Variants in CTDSPL observed in about 807,000 individuals in gnomAD.
CTDSPL encodes CTD small phosphatase-like protein.
A neutral mutation model predicts 30.5 loss-of-function variants in CTDSPL; 8 were observed. The observed-to-expected ratio is 0.26, with a 90% CI of 0.15 to 0.47. The LOEUF is 0.47. Among genes scored for constraint, CTDSPL ranks in the 20% least tolerant of loss-of-function variants. CTDSPL has a pLI of 0.99. For synonymous variants in CTDSPL, 110 were observed against 137.9 expected (o/e 0.80, Z 1.42); for missense variants, 248 against 366.1 (o/e 0.68, Z 2.63).
chr3:37,984,230 C>A lies in CTDSPL; in HGVS notation c.*3363C>A, dbSNP rs1220897300. ...TACTGTAACTTTGATCATGTCTGTT[C>A]CTGTTCCATTCTCCCAGGAGCTTCT... is the stretch of plus-strand genomic sequence containing the variant. On this transcript the variant is annotated 3_prime_UTR_variant, in exon 8 of 8. Transcript: ENST00000273179. 2.2e-6 allele frequency: 1 copy of A among 456,270 alleles called. No individual in the cohort carries two copies. Among genetic ancestry groups the A allele is most frequent in the Non-Finnish European group, 4.4e-6 (1 of 226,928 alleles). The allele number at this position is 456,270 out of a possible 1,614,324, so 28.3% of individuals were successfully genotyped here. A position where few individuals can be genotyped will look rare whatever the true frequency, so the allele number is the denominator to read the frequency against.
At chr3:37,959,941 CACCTATA>C (rs1315003847) in intron 3 of CTDSPL, among the ~76,000 whole-genome samples, 1 of 152,042 alleles carries the variant, frequency 6.6e-6, no homozygotes, top group Non-Finnish European at 1.5e-5. Context: ...CAGTGGCTCA[CACCTATA>C]ACCCAAGCAC....
chr3:37,927,670 G>GTATATA (rs1445872277), intron 1 of CTDSPL, among the ~76,000 whole-genome samples: 1 of 123,038 alleles, frequency 8.1e-6, no homozygotes, highest in African/African-American at 3.3e-5. Flanking sequence ...GTGTGTGTGT[G>GTATATA]TGTGTGTGTA....
chr3:37,947,061 C>T lies in CTDSPL; in HGVS notation c.84C>T (p.Ser28=). ...GRLPGAGEKA[S]QCNVSLKKQR... The stretch of plus-strand genomic sequence containing the variant: ...GTGCTCTGTTTCTGTTTCCAGCCTC[C>T]CAGTGCAACGTCAGCTTAAAGAAGC... The change falls in exon 2 of 8, where the codon TCC becomes TCT. Residue 28 remains serine (S), a synonymous_variant. Coordinates refer to ENST00000273179, the MANE Select transcript of CTDSPL (RefSeq NM_001008392.2). The T allele has an allele frequency of 6.2e-7, 1 of 1,613,076 alleles. No individual in the cohort carries two copies. The highest frequency in any genetic ancestry group is 1.3e-5 in the African/African-American group (1 of 75,030).
At chr3:37,889,476 G>A (rs1475944578) in intron 1 of CTDSPL, among the ~76,000 whole-genome samples, 2 of 152,054 alleles carry the variant, frequency 1.3e-5, no homozygotes, top group Admixed American at 1.3e-4. Flanking sequence ...TGAAGAGACA[G>A]AAAATAGGGG....
chr3:37,973,814 CCCTTGTGAAGCTT>C (rs1202909356), intron 6 of CTDSPL, among the ~76,000 whole-genome samples: 1 of 152,262 alleles, frequency 6.6e-6, no homozygotes, highest in East Asian at 1.9e-4. Context: ...AAAGTCCCTC[CCCTTGTGAAGCTT>C]ACATTCTTCA....
intron 1 of CTDSPL, among the ~76,000 whole-genome samples, chr3:37,895,067 G>T (rs985777454): frequency 3.9e-5 from 6 of 151,982 alleles, no homozygotes; most frequent in African/African-American, 1.2e-4. Flanking sequence ...TTGAGGATGG[G>T]TTGCATTTTC....
At chr3:37,919,620 G>A (rs1304048300) in intron 1 of CTDSPL, among the ~76,000 whole-genome samples, 1 of 152,196 alleles carries the variant, frequency 6.6e-6, no homozygotes, top group African/African-American at 2.4e-5. Context: ...TTGAGGAATT[G>A]GTGGAAGGCT....
At chr3:37,912,559 G>C (rs7628640) in intron 1 of CTDSPL, among the ~76,000 whole-genome samples, 41,857 of 152,048 alleles carry the variant, frequency 0.28, 7,469 homozygotes, top group African/African-American at 0.5. Context: ...TGTGTGTTGG[G>C]GGGTATGCGG....
chr3:37,966,270 A>G (rs1276826757), intron 4 of CTDSPL, among the ~76,000 whole-genome samples: 2 of 152,200 alleles, frequency 1.3e-5, no homozygotes, highest in African/African-American at 2.4e-5. Context: ...ATTTGCAACC[A>G]GAATATTCTT....
At chr3:37,875,722 G>A (rs770420070) in intron 1 of CTDSPL, among the ~76,000 whole-genome samples, 4 of 152,168 alleles carry the variant, frequency 2.6e-5, no homozygotes, top group Admixed American at 6.5e-5. Context: ...AAAGACTTCA[G>A]TTAGAGTCAT....
rs547070844 is a variant in CTDSPL at position 37,961,458 on chromosome 3, C to T, written c.268-3113C>T. On this transcript the variant is annotated intron_variant, in intron 3 of 7. Transcript: ENST00000273179. ...AGGCTGTGTCCTGAGTCCTACCGAT[C>T]CCATACTTTTGCTTAAATTACACAG... Among the ~76,000 whole-genome samples, 18 of 152,270 alleles carry T rather than the reference C, an allele frequency of 1.2e-4. No individual in the cohort carries two copies. The East Asian group carries it at 3.5e-3, about 29-fold the overall frequency.
At chr3:37,872,650 C>A (rs1230160966) in intron 1 of CTDSPL, among the ~76,000 whole-genome samples, 1 of 135,668 alleles carries the variant, frequency 7.4e-6, no homozygotes, top group African/African-American at 2.7e-5. Flanking sequence ...TCTCAGCTAA[C>A]TGCAACCTCC....
chr3:37,876,999 A>G (rs1698142113), intron 1 of CTDSPL, among the ~76,000 whole-genome samples: 1 of 151,506 alleles, frequency 6.6e-6, no homozygotes, highest in African/African-American at 2.4e-5. Context: ...CCAGCTACTC[A>G]GGAGGTTGAG....
At chr3:37,891,896 A>C (rs1217188822) in intron 1 of CTDSPL, among the ~76,000 whole-genome samples, 1 of 151,746 alleles carries the variant, frequency 6.6e-6, no homozygotes, top group Non-Finnish European at 1.5e-5. Context: ...ATACATGTAC[A>C]TACATGTACA....
intron 6 of CTDSPL, among the ~76,000 whole-genome samples, chr3:37,974,574 T>C (rs1473172302): frequency 6.6e-6 from 1 of 152,214 alleles, no homozygotes; most frequent in African/African-American, 2.4e-5. Context: ...TATGGCCCAC[T>C]CTTTTAGGTA....
chr3:37,979,089 A>T (rs867776977), intron 7 of CTDSPL, among the ~76,000 whole-genome samples: 1 of 148,968 alleles, frequency 6.7e-6, no homozygotes, highest in Non-Finnish European at 1.5e-5. Context: ...GTACTAAATT[A>T]TGGCTAATAA....
At chr3:37,917,063 C>G (rs1439302629) in intron 1 of CTDSPL, among the ~76,000 whole-genome samples, 1 of 152,172 alleles carries the variant, frequency 6.6e-6, no homozygotes, top group Non-Finnish European at 1.5e-5. Context: ...TGTACTGATG[C>G]CTGTTGCTTT....
chr3:37,948,912 C>T (rs1359645269), intron 2 of CTDSPL, among the ~76,000 whole-genome samples: 2 of 148,948 alleles, frequency 1.3e-5, no homozygotes, highest in South Asian at 2.1e-4. Context: ...GCTCCGCTTC[C>T]CGGGTTCACG....
At chr3:37,945,586 G>GC (rs1284053408) in intron 1 of CTDSPL, among the ~76,000 whole-genome samples, 20 of 152,220 alleles carry the variant, frequency 1.3e-4, no homozygotes, top group African/African-American at 4.6e-4. Flanking sequence ...GGTCCCAATG[G>GC]CCTGGTCTGG....
Sources: gnomAD v4.1 joint callset for allele counts (sites outside exome capture counted in the v4.1 genomes callset) on GRCh38, gnomAD v4.1.1 for gene constraint, MANE v1.5 for transcripts, NCBI Gene and HGNC (gene_info 2026-07-23, HGNC 2026-07-21) for gene names.